ROCK2: variants seen among roughly 807,000 people sequenced by gnomAD.
The protein encoded by ROCK2 is rho-associated protein kinase 2.
In ROCK2, 61 loss-of-function variants were observed where a neutral mutation model predicts 195.1. The observed-to-expected ratio is 0.31, with a 90% CI of 0.25 to 0.39. The LOEUF is 0.39. ROCK2 is among the 10% of genes least tolerant of loss of function. The probability of loss-of-function intolerance (pLI) is 1.00; values close to 1 mark genes in which losing one functional copy is unlikely to be tolerated. For synonymous variants in ROCK2, 504 were observed against 545.5 expected, an observed-to-expected ratio of 0.92 and a Z score of 1.06; for missense variants, 1,109 against 1,637.4, an observed-to-expected ratio of 0.68 and a Z score of 5.57.
intron 6 of ROCK2, among the ~76,000 whole-genome samples, chr2:11,226,386 T>C (rs188730031): frequency 2.0e-5 from 3 of 152,344 alleles, no homozygotes; most frequent in Middle Eastern, 3.4e-3. Flanking sequence ...AAAACTGAAA[T>C]GTTATTACAA....
chr2:11,223,042 C>A (rs1005036187), intron 7 of ROCK2, among the ~76,000 whole-genome samples: 9 of 152,100 alleles, frequency 5.9e-5, no homozygotes, highest in African/African-American at 1.7e-4. Context: ...CTGCTCAGTG[C>A]CCACATCAAA....
chr2:11,248,665 C>T lies in ROCK2; in HGVS notation c.462+996G>A, dbSNP rs1665709900. Among the ~76,000 whole-genome samples, 4 of 118,572 alleles carry T rather than the reference C, an allele frequency of 3.4e-5. No homozygotes were observed. In the Admixed American group the frequency reaches 4.5e-4, roughly 13 times the overall value. 77.8% of individuals were successfully genotyped at this position (118,572 alleles called of 152,430 possible). ...CAGAGGATGGAATGAACAGAGATTC[C>T]AACACTGCACTCCAGCCTGAGCAAC... On this transcript the variant is annotated intron_variant, in intron 4 of 32. Transcript: ENST00000315872.
At chr2:11,188,966 G>GTT (rs1663311486) in intron 32 of ROCK2, among the ~76,000 whole-genome samples, 1 of 151,644 alleles carries the variant, frequency 6.6e-6, no homozygotes, top group African/African-American at 2.4e-5. Context: ...AACCTGGAAG[G>GTT]TGGAGGGTTA....
intron 2 of ROCK2, among the ~76,000 whole-genome samples, chr2:11,287,448 A>C (rs1050942357): frequency 1.3e-5 from 2 of 152,212 alleles, no homozygotes; most frequent in African/African-American, 4.8e-5. Flanking sequence ...TTAGAACTTT[A>C]TCTGCTTTGC....
Position 11,192,463 on chromosome 2 carries a change from C to T in ROCK2, c.3937G>A (p.Ala1313Thr). 1.9e-6 allele frequency: 3 copies of T among 1,614,044 alleles called. No individual in the cohort carries two copies. Among genetic ancestry groups the T allele is most frequent in the Non-Finnish European group, 2.5e-6 (3 of 1,179,960 alleles). Residue 1313 changes from alanine (A) to threonine (T), a missense_variant, in exon 31 of 33, where the codon GCA becomes ACA. Ala to Thr is a moderately conservative substitution (Grantham distance 58, BLOSUM62 0). Around this residue, in one of 6 missense-constraint regions of ROCK2, gnomAD observed 221 missense variants for 355.1 expected, o/e 0.62. Coordinates refer to ENST00000315872, the MANE Select transcript of ROCK2 (RefSeq NM_004850.5). This position sits in a 1 kb window ranked among gnomAD's most constrained non-coding sequence, Gnocchi z 5.0. Reference sequence around the variant, plus strand: ...ATTTATCATTTACCTTTGCAAGGTGCTATAATCTCCTCCTTTTTGTCCATA... The same window carrying T: ...ATTTATCATTTACCTTTGCAAGGTGTTATAATCTCCTCCTTTTTGTCCATA... ...DHMDKKEEII[A>T]PCKVYYDIST...
At chr2:11,199,594 G>C (rs188486265) in intron 23 of ROCK2, among the ~76,000 whole-genome samples, 20 of 151,824 alleles carry the variant, frequency 1.3e-4, no homozygotes, top group African/African-American at 3.9e-4. Context: ...AACTCCAAAA[G>C]TGCTGCAATT....
At position 11,235,630 on chromosome 2, in the gene ROCK2, G is replaced by T; in HGVS notation, c.723+72C>A. 2 of 1,465,464 alleles carry T rather than the reference G, an allele frequency of 1.4e-6. No homozygotes were observed. Among genetic ancestry groups the T allele is most frequent in the East Asian group, 2.3e-5 (1 of 43,908 alleles). 90.8% of individuals were successfully genotyped at this position (1,465,464 alleles called of 1,614,324 possible). A position where few individuals can be genotyped will look rare whatever the true frequency, so the allele number is the denominator to read the frequency against. ...ATTTACCTTTGTTCAAAACTATGAA[G>T]ACCTGACTTAAAGTATTTCATTTAT... On this transcript the variant is annotated intron_variant, in intron 5 of 32. Transcript: ENST00000315872. This position sits in a 1 kb window ranked among gnomAD's most constrained non-coding sequence, Gnocchi z 4.2.
In ROCK2 at chr2:11,191,749, C is replaced by T. The variant is rs1272505213; in HGVS notation, c.4163+399G>A. Among the ~76,000 whole-genome samples the T allele has an allele frequency of 2.0e-5, 3 of 152,136 alleles. 1 individual carries two copies. Among genetic ancestry groups the T allele is most frequent in the Non-Finnish European group, 4.4e-5 (3 of 68,012 alleles). On this transcript the variant is annotated intron_variant, in intron 32 of 32. Transcript: ENST00000315872. ...TGACTTTAAGCTAAATGAAGTATAA[C>T]AAAACCATTTTCTTCTCATCAAGGT...
At chr2:11,319,410 CT>C (rs1470520246) in intron 1 of ROCK2, among the ~76,000 whole-genome samples, 1 of 151,980 alleles carries the variant, frequency 6.6e-6, no homozygotes, top group African/African-American at 2.4e-5. Context: ...CTGTCTGTTA[CT>C]GGTGTATAAG....
At chr2:11,297,827 T>C (rs1265414599) in intron 1 of ROCK2, among the ~76,000 whole-genome samples, 1 of 152,192 alleles carries the variant, frequency 6.6e-6, no homozygotes, top group Non-Finnish European at 1.5e-5. Context: ...TTTTCAAGTT[T>C]CTGATAGAAA....
rs188695680 is a variant in ROCK2 at position 11,221,802 on chromosome 2, T to C, written c.1099+281A>G. On this transcript the variant is annotated intron_variant, in intron 8 of 32. Transcript: ENST00000315872. Reference sequence around the variant, plus strand: ...ATTTAAATTAAAGGATTGCATTCCCTTGATTCTGAAAATTATTGAGATCTA... The same window carrying C: ...ATTTAAATTAAAGGATTGCATTCCCCTGATTCTGAAAATTATTGAGATCTA... Among the ~76,000 whole-genome samples, 341 of 151,714 alleles carry C rather than the reference T, an allele frequency of 2.2e-3. 3 individuals are homozygous for C. The highest frequency in any genetic ancestry group is 8.0e-3 in the African/African-American group (332 of 41,328).
At chr2:11,305,670 T>C (rs1341107931) in intron 1 of ROCK2, among the ~76,000 whole-genome samples, 1 of 152,202 alleles carries the variant, frequency 6.6e-6, no homozygotes, top group African/African-American at 2.4e-5. Context: ...TAAGATGAGC[T>C]TGTAGCATCT....
Position 11,256,225 on chromosome 2 carries a change from T to C in ROCK2, c.325-6427A>G, listed in dbSNP as rs372742947. 1.9e-4 allele frequency among the ~76,000 whole-genome samples: 29 copies of C among 151,394 alleles called. No homozygotes were observed. The East Asian group carries it at 4.0e-3, about 21-fold the overall frequency. ...GCCCCCACCCAAATTTCAGGTCAAA[T>C]TGTAATTCCCAGTGTTGGAGGGAAG... On this transcript the variant is annotated intron_variant, in intron 3 of 32. Coordinates refer to ENST00000315872, the MANE Select transcript of ROCK2 (RefSeq NM_004850.5).
Position 11,287,636 on chromosome 2 carries a change from G to A in ROCK2, c.223+19C>T, listed in dbSNP as rs577443235. ...AAAGTAGAGTTATAAGATCAAATAT[G>A]AAGTTTAAACATACTTACATCTATT... On this transcript the variant is annotated intron_variant, in intron 2 of 32. Coordinates refer to ENST00000315872, the MANE Select transcript of ROCK2 (RefSeq NM_004850.5). 1.3e-4 allele frequency: 96 copies of A among 761,042 alleles called. 1 individual carries two copies. The South Asian group carries it at 3.1e-3, about 25-fold the overall frequency. The allele number at this position is 761,042 out of a possible 1,614,324, so 47.1% of individuals were successfully genotyped here.
intron 5 of ROCK2, among the ~76,000 whole-genome samples, chr2:11,230,338 G>C (rs1177185961): frequency 2.6e-5 from 4 of 152,128 alleles, no homozygotes; most frequent in Admixed American, 2.6e-4. Context: ...AAAGGACAAA[G>C]AAGTCAACCT....
At chr2:11,196,107 G>A (rs563730038) in intron 27 of ROCK2, among the ~76,000 whole-genome samples, 2 of 152,154 alleles carry the variant, frequency 1.3e-5, no homozygotes, top group South Asian at 2.1e-4. Flanking sequence ...TAAAAAAACC[G>A]CACAGAACAG....
chr2:11,310,308 A>T (rs1667993006), intron 1 of ROCK2, among the ~76,000 whole-genome samples: 1 of 152,136 alleles, frequency 6.6e-6, no homozygotes, highest in East Asian at 1.9e-4. Flanking sequence ...ATCACTGTAA[A>T]GTCTTATTTA....
intron 17 of ROCK2, among the ~76,000 whole-genome samples, chr2:11,213,851 A>G (rs901148173): frequency 6.6e-6 from 1 of 152,142 alleles, no homozygotes; most frequent in African/African-American, 2.4e-5. Context: ...AAACTTAACT[A>G]TTCAACTGTG....
intron 4 of ROCK2, among the ~76,000 whole-genome samples, chr2:11,245,744 G>A (rs1365119671): frequency 6.6e-6 from 1 of 152,064 alleles, no homozygotes; most frequent in Non-Finnish European, 1.5e-5. Flanking sequence ...TTCGTTAAAG[G>A]TTTCAGAAAC....
Sources: gnomAD v4.1 joint callset for allele counts (sites outside exome capture counted in the v4.1 genomes callset) on GRCh38, gnomAD v4.1.1 for gene constraint, gnomAD v4.1.1 regional missense constraint, Gnocchi (gnomAD v3.1) non-coding constraint, MANE v1.5 for transcripts, NCBI Gene and HGNC (gene_info 2026-07-23, HGNC 2026-07-21) for gene names.